The following FRS2 variants were observed in gnomAD, a reference collection of about 807,000 sequenced individuals.
FRS2 encodes the protein fibroblast growth factor receptor substrate 2.
Under a neutral mutation model 43.9 loss-of-function variants are expected in FRS2, and 8 were observed. That is an observed-to-expected ratio of 0.18 (90% CI 0.11 to 0.33). The LOEUF (loss-of-function observed/expected upper bound fraction) is 0.33. FRS2 is among the 10% of genes least tolerant of loss of function. FRS2 has a pLI of 1.00. For synonymous variants in FRS2, 219 were observed against 220.3 expected (o/e 0.99, Z 0.05); for missense variants, 534 against 627.6 (o/e 0.85, Z 1.59).
At chr12:69,472,252 A>ATTTT (rs1565707289) in intron 1 of FRS2, among the ~76,000 whole-genome samples, 1 of 140,610 alleles carries the variant, frequency 7.1e-6, no homozygotes, top group Non-Finnish European at 1.6e-5. Flanking sequence ...ACACCTGGCT[A>ATTTT]ATTTTTTTTT....
At chr12:69,507,215 C>G (rs1417595359) in intron 1 of FRS2, among the ~76,000 whole-genome samples, 2 of 152,200 alleles carry the variant, frequency 1.3e-5, no homozygotes, top group African/African-American at 4.8e-5. Context: ...CTCTCCTACA[C>G]TAGTCAATTT....
chr12:69,514,043 G>A (rs1874732489), intron 1 of FRS2, among the ~76,000 whole-genome samples: 1 of 152,036 alleles, frequency 6.6e-6, no homozygotes, highest in Non-Finnish European at 1.5e-5. Context: ...TTGGAGAGAT[G>A]GAAAATTGCT....
intron 1 of FRS2, among the ~76,000 whole-genome samples, chr12:69,516,536 T>C (rs751698997): frequency 7.9e-5 from 12 of 152,158 alleles, no homozygotes; most frequent in Non-Finnish European, 1.8e-4. Flanking sequence ...GTAGATTAAG[T>C]GCCCTTCCAC....
intron 1 of FRS2, among the ~76,000 whole-genome samples, chr12:69,503,670 G>T (rs1210977987): frequency 6.6e-6 from 1 of 152,108 alleles, no homozygotes; most frequent in East Asian, 1.9e-4. Flanking sequence ...AGGAGTTTGG[G>T]CAGTAGTTGG....
chr12:69,564,947 G>C (rs1402156988), intron 4 of FRS2, among the ~76,000 whole-genome samples: 6 of 152,190 alleles, frequency 3.9e-5, no homozygotes, highest in Admixed American at 6.5e-5. Context: ...AGTGTGGATA[G>C]AGTCCCCAAG....
rs754052591 is a variant in FRS2 at position 69,574,151 on chromosome 12, G to C, written c.723G>C (p.Gln241His). 1 of 1,614,130 alleles carries C rather than the reference G, an allele frequency of 6.2e-7. No individual in the cohort carries two copies. Among genetic ancestry groups the C allele is most frequent in the East Asian group, 2.2e-5 (1 of 44,886 alleles). Reference protein sequence around the residue: ...EPSSIEDRDPQILLEPEGVKF... With the variant: ...EPSSIEDRDPHILLEPEGVKF... The stretch of plus-strand genomic sequence containing the variant: ...GTAGTATTGAGGACAGGGATCCTCA[G>C]ATTCTTCTTGAACCTGAAGGAGTCA... The change falls in exon 9 of 9, where the codon CAG becomes CAC. Residue 241 changes from glutamine to histidine, a missense_variant. Physicochemically the swap from Gln to His is conservative, Grantham distance 24. Around this residue, in one of 3 missense-constraint regions of FRS2, gnomAD observed 446 missense variants for 494.2 expected, o/e 0.90. Coordinates refer to ENST00000549921, the MANE Select transcript of FRS2 (RefSeq NM_001278356.2).
At chr12:69,545,526 G>A (rs1878297302) in intron 3 of FRS2, among the ~76,000 whole-genome samples, 1 of 152,096 alleles carries the variant, frequency 6.6e-6, no homozygotes, top group African/African-American at 2.4e-5. Context: ...GGGAGGCCAA[G>A]GTGGGTGAAT....
chr12:69,482,809 T>G (rs1871460749), intron 1 of FRS2, among the ~76,000 whole-genome samples: 1 of 152,208 alleles, frequency 6.6e-6, no homozygotes, highest in Admixed American at 6.5e-5. Context: ...GTTCTGAAAA[T>G]TGACTGATAT....
chr12:69,572,253 C>G lies in FRS2; in HGVS notation c.548C>G (p.Thr183Arg). 1 of 1,613,836 alleles carries G rather than the reference C, an allele frequency of 6.2e-7. No homozygotes were observed. The highest frequency in any genetic ancestry group is 8.5e-7 in the Non-Finnish European group (1 of 1,179,774). The change falls in exon 8 of 9, where the codon ACA becomes AGA. Residue 183 changes from threonine to arginine, a missense_variant. Coordinates refer to ENST00000549921, the MANE Select transcript of FRS2 (RefSeq NM_001278356.2). ...ARLPSVGEES[T>R]HPLLVAEEQV... is the part of the protein sequence containing the mutation. ...CTGCCTTCAGTAGGGGAAGAATCTA[C>G]ACATCCTTTGCTTGTGGCTGAGGAA...
intron 1 of FRS2, among the ~76,000 whole-genome samples, chr12:69,503,055 G>T (rs1873605089): frequency 1.3e-5 from 2 of 152,210 alleles, no homozygotes; most frequent in African/African-American, 4.8e-5. Flanking sequence ...TGAAATCGAG[G>T]TGTCAGCTGG....
chr12:69,490,660 A>G (rs1872398982), intron 1 of FRS2, among the ~76,000 whole-genome samples: 2 of 152,138 alleles, frequency 1.3e-5, no homozygotes, highest in Admixed American at 6.5e-5. Context: ...ACAAAATTGT[A>G]TTGTATTCAG....
At chr12:69,509,349 C>A (rs1171877465) in intron 1 of FRS2, among the ~76,000 whole-genome samples, 2 of 152,112 alleles carry the variant, frequency 1.3e-5, no homozygotes, top group Non-Finnish European at 2.9e-5. Flanking sequence ...GGTTTCCAGC[C>A]CCATCCTGTG....
At chr12:69,538,270 A>G (rs1303525681) in intron 3 of FRS2, among the ~76,000 whole-genome samples, 1 of 143,126 alleles carries the variant, frequency 7.0e-6, no homozygotes, top group Non-Finnish European at 1.5e-5. Flanking sequence ...AAAGCATTGC[A>G]GATTCCAGCA....
chr12:69,520,410 C>T (rs1354916576), intron 1 of FRS2, among the ~76,000 whole-genome samples: 4 of 142,796 alleles, frequency 2.8e-5, no homozygotes, highest in African/African-American at 7.9e-5. Context: ...GGCAGAAGCC[C>T]TTTAATGTAA....
At chr12:69,553,940 A>T (rs1879127508) in intron 3 of FRS2, among the ~76,000 whole-genome samples, 1 of 152,244 alleles carries the variant, frequency 6.6e-6, no homozygotes, top group South Asian at 2.1e-4. Flanking sequence ...TTTTCAAGAC[A>T]TTCATTCCCC....
intron 1 of FRS2, among the ~76,000 whole-genome samples, chr12:69,483,179 C>T (rs221083): frequency 0.78 from 118,729 of 152,140 alleles, 47,048 homozygotes; most frequent in East Asian, 0.92. Context: ...AGACAACATA[C>T]GGTATACAGA....
At chr12:69,493,449 G>A (rs758267138) in intron 1 of FRS2, among the ~76,000 whole-genome samples, 2 of 152,226 alleles carry the variant, frequency 1.3e-5, no homozygotes, top group South Asian at 2.1e-4. Flanking sequence ...TGCCGGGCGC[G>A]ATGGCTCACG....
At chr12:69,509,291 T>C (rs1874241385) in intron 1 of FRS2, among the ~76,000 whole-genome samples, 3 of 152,150 alleles carry the variant, frequency 2.0e-5, no homozygotes, top group Admixed American at 6.5e-5. Flanking sequence ...AGGGAGAAGA[T>C]TGGTTTTCAG....
intron 3 of FRS2, among the ~76,000 whole-genome samples, chr12:69,551,032 C>T (rs1199223000): frequency 6.6e-6 from 1 of 151,940 alleles, no homozygotes; most frequent in East Asian, 1.9e-4. Flanking sequence ...TTGTTCTCTT[C>T]ACATGTGTCT....
Sources: allele counts gnomAD v4.1 joint callset (sites outside exome capture counted in the v4.1 genomes callset), GRCh38; gene constraint gnomAD v4.1.1; regional missense constraint gnomAD v4.1.1; transcripts MANE v1.5; gene names NCBI Gene and HGNC (gene_info 2026-07-23, HGNC 2026-07-21).